Variants in ETNK1 observed in about 807,000 individuals in gnomAD.
ETNK1 encodes the protein ethanolamine kinase 1, also known as putative protein product of Nbla10396.
In ETNK1, 8 loss-of-function variants were observed where a neutral mutation model predicts 45.1. The ratio of observed to expected loss-of-function variants is 0.18; its 90% CI spans 0.10 to 0.32. ETNK1 has a LOEUF of 0.32. Ranked by LOEUF, ETNK1 falls within the 10% of genes least tolerant of loss-of-function variation. ETNK1 has a pLI of 1.00. For synonymous variants in ETNK1, 152 were observed against 151.9 expected (o/e 1.00, Z -0.01); for missense variants, 302 against 430.6 (o/e 0.70, Z 2.64).
rs775461746 is a variant in ETNK1, at chr12:22,625,415, C to T, written c.-16C>T. On this transcript the variant is annotated 5_prime_UTR_variant, in exon 1 of 8. Coordinates refer to ENST00000266517, the MANE Select transcript of ETNK1 (RefSeq NM_018638.5). ...TCGCCGTCGTCGTGGTGGTAGTCTC[C>T]GCCGTCGCCTGGGCCATGGCCAATT... The T allele has an allele frequency of 5.1e-6, 8 of 1,571,042 alleles. No individual in the cohort carries two copies. In the Admixed American group the frequency reaches 7.3e-5, roughly 14 times the overall value.
At chr12:22,677,113 G>T (rs962856366) in intron 6 of ETNK1, among the ~76,000 whole-genome samples, 3 of 152,028 alleles carry the variant, frequency 2.0e-5, no homozygotes, top group Non-Finnish European at 4.4e-5. Flanking sequence ...GTATTGCCTA[G>T]GTTTTCTTCT....
Position 22,690,195 on chromosome 12 carries a change from G to C in ETNK1, c.*5241G>C, listed in dbSNP as rs554373409. 17 of 152,564 alleles carry C rather than the reference G, an allele frequency of 1.1e-4. No individual in the cohort carries two copies. In the East Asian group the frequency reaches 3.3e-3, roughly 29 times the overall value. The allele number at this position is 152,564 out of a possible 1,614,324, so 9.5% of individuals were successfully genotyped here. ...GTATATAATGTAAGTGCTACAAATA[G>C]TCTCAGCACTGAAAATGTATTGATA... On this transcript the variant is annotated 3_prime_UTR_variant, in exon 8 of 8. Transcript: ENST00000266517.
intron 1 of ETNK1, among the ~76,000 whole-genome samples, chr12:22,642,301 A>G (rs1263409120): frequency 6.6e-6 from 1 of 152,092 alleles, no homozygotes; most frequent in African/African-American, 2.4e-5. Context: ...TTGTGATAAG[A>G]AATAACATGT....
Position 22,684,870 on chromosome 12 carries a change from T to C in ETNK1, c.1020-12T>C. 6.3e-7 allele frequency: 1 copy of C among 1,595,252 alleles called. No individual in the cohort carries two copies. The highest frequency in any genetic ancestry group is 8.5e-7 in the Non-Finnish European group (1 of 1,173,860). On this transcript the variant is annotated splice_polypyrimidine_tract_variant and intron_variant, in intron 7 of 7. Transcript: ENST00000266517. ...TTTGACTAATTTTTTTGTTGTTCTCTTTTCTCACTAGGTATGCAATTGTTC... is the reference window on the plus strand; with the variant it reads ...TTTGACTAATTTTTTTGTTGTTCTCCTTTCTCACTAGGTATGCAATTGTTC...
intron 6 of ETNK1, among the ~76,000 whole-genome samples, chr12:22,683,174 A>G (rs1212034426): frequency 6.6e-6 from 1 of 152,062 alleles, no homozygotes; most frequent in East Asian, 1.9e-4. Flanking sequence ...TTTATGCTTC[A>G]TGTGCAAGTG....
At chr12:22,658,447 G>A (rs1339077726) in intron 2 of ETNK1, among the ~76,000 whole-genome samples, 1 of 152,106 alleles carries the variant, frequency 6.6e-6, no homozygotes, top group Non-Finnish European at 1.5e-5. Flanking sequence ...GCAAACATAG[G>A]GTCCTGGGTC....
chr12:22,630,606 T>C (rs1953564931), intron 1 of ETNK1, among the ~76,000 whole-genome samples: 1 of 152,002 alleles, frequency 6.6e-6, no homozygotes, highest in African/African-American at 2.4e-5. Flanking sequence ...TTTTGTATTT[T>C]ATTTTATTTT....
At chr12:22,644,537 C>G (rs1953781990) in intron 2 of ETNK1, 1 of 333,782 alleles carries the variant, frequency 3.0e-6, no homozygotes, top group African/African-American at 2.2e-5. Flanking sequence ...TCTTTCTGCT[C>G]TTGAAAACTC....
chr12:22,640,579 A>G (rs1374567091), intron 1 of ETNK1, among the ~76,000 whole-genome samples: 1 of 151,984 alleles, frequency 6.6e-6, no homozygotes, highest in Non-Finnish European at 1.5e-5. Context: ...GCTGTTTTTT[A>G]TTGAAATTTA....
At chr12:22,655,357 A>C (rs1953927756) in intron 2 of ETNK1, among the ~76,000 whole-genome samples, 1 of 118,740 alleles carries the variant, frequency 8.4e-6, no homozygotes, top group Non-Finnish European at 1.7e-5. Flanking sequence ...TTTTTTCGAG[A>C]CGGAGTCTCG....
chr12:22,680,974 GC>G (rs1482677232), intron 6 of ETNK1, among the ~76,000 whole-genome samples: 1 of 129,836 alleles, frequency 7.7e-6, no homozygotes, highest in Non-Finnish European at 1.6e-5. Context: ...ATATTTCTTT[GC>G]AACAGGGGTA....
At chr12:22,635,177 ACT>A (rs1953638887) in intron 1 of ETNK1, among the ~76,000 whole-genome samples, 1 of 152,114 alleles carries the variant, frequency 6.6e-6, no homozygotes, top group African/African-American at 2.4e-5. Context: ...TGGACCTGTC[ACT>A]CTGTGTGAAA....
intron 6 of ETNK1, among the ~76,000 whole-genome samples, chr12:22,675,139 G>C (rs1954147482): frequency 6.6e-6 from 1 of 152,178 alleles, no homozygotes; most frequent in Non-Finnish European, 1.5e-5. Flanking sequence ...TGTGATCACA[G>C]CTCATTGCAG....
intron 1 of ETNK1, among the ~76,000 whole-genome samples, chr12:22,640,427 G>A (rs1292442463): frequency 4.1e-5 from 6 of 148,046 alleles, no homozygotes; most frequent in African/African-American, 1.5e-4. Context: ...ATGTGAAAGA[G>A]AATTTGCCCA....
At chr12:22,649,522 G>T (rs914978566) in intron 2 of ETNK1, among the ~76,000 whole-genome samples, 1 of 151,992 alleles carries the variant, frequency 6.6e-6, no homozygotes. Flanking sequence ...TCAGTTGACT[G>T]TATTTATATG....
At chr12:22,656,232 A>G (rs1953939304) in intron 2 of ETNK1, among the ~76,000 whole-genome samples, 1 of 152,224 alleles carries the variant, frequency 6.6e-6, no homozygotes, top group Non-Finnish European at 1.5e-5. Context: ...AGGTAATTTA[A>G]AAACTGCTTT....
chr12:22,626,454 G>A (rs573157696), intron 1 of ETNK1, among the ~76,000 whole-genome samples: 2 of 151,944 alleles, frequency 1.3e-5, no homozygotes, highest in Admixed American at 1.3e-4. Flanking sequence ...TTCAAGATTG[G>A]GATATTTGGG....
rs1338510739 is a variant in ETNK1 at position 22,688,813 on chromosome 12, T to C, written c.*3859T>C. 6.6e-6 allele frequency: 1 copy of C among 151,992 alleles called. No individual in the cohort carries two copies. The allele number at this position is 151,992 out of a possible 1,614,324, so 9.4% of individuals were successfully genotyped here. A position where few individuals can be genotyped will look rare whatever the true frequency, so the allele number is the denominator to read the frequency against. On this transcript the variant is annotated 3_prime_UTR_variant, in exon 8 of 8. Transcript: ENST00000266517. ...CTGGTTTTTCTTTAGTCCATTAGAT[T>C]CCAGAATGTCCTTTTACTGGGAATT...
Position 22,667,271 on chromosome 12 carries a change from T to C in ETNK1, c.701-4001T>C, listed in dbSNP as rs547691310. On this transcript the variant is annotated intron_variant, in intron 4 of 7. Transcript: ENST00000266517. ...AGAAACACCACACTTTTTTCTTTAGTTTTTCATGCTTTTTTGTCTTTTCCC... is the reference window on the plus strand; with the variant it reads ...AGAAACACCACACTTTTTTCTTTAGCTTTTCATGCTTTTTTGTCTTTTCCC... Among the ~76,000 whole-genome samples, 7 of 152,296 alleles carry C rather than the reference T, an allele frequency of 4.6e-5. No homozygotes were observed. The East Asian group carries it at 1.4e-3, about 29-fold the overall frequency.
Sources: allele counts gnomAD v4.1 joint callset (sites outside exome capture counted in the v4.1 genomes callset), GRCh38; gene constraint gnomAD v4.1.1; transcripts MANE v1.5; gene names NCBI Gene and HGNC (gene_info 2026-07-23, HGNC 2026-07-21).